MARCHF7: variants seen among roughly 807,000 people sequenced by gnomAD.
MARCHF7 encodes the protein E3 ubiquitin-protein ligase MARCHF7.
Under a neutral mutation model 76.5 loss-of-function variants are expected in MARCHF7, and 20 were observed. The ratio of observed to expected loss-of-function variants is 0.26; its 90% CI spans 0.18 to 0.38. MARCHF7 has a LOEUF of 0.38. MARCHF7 is among the 10% of genes least tolerant of loss of function. The pLI is 1.00. For missense variants in MARCHF7, 797 were observed against 812.9 expected, an observed-to-expected ratio of 0.98 and a Z score of 0.24; for synonymous variants, 295 against 293.0, an observed-to-expected ratio of 1.01 and a Z score of -0.07.
rs184839354 is a variant in MARCHF7, at chr2:159,727,353, C to T, written c.-14-1656C>T. On this transcript the variant is annotated intron_variant, in intron 3 of 11. Coordinates refer to ENST00000409175, the MANE Select transcript of MARCHF7 (RefSeq NM_001282805.2). ...CTGTAATCCCAGCACTTTGGGAGGC[C>T]GAGGCGGGCAGATCACGAAGTCAGG... Among the ~76,000 whole-genome samples the T allele has an allele frequency of 4.5e-3, 690 of 152,128 alleles. 2 individuals are homozygous for T. Among genetic ancestry groups the T allele is most frequent in the African/African-American group, 0.016 (646 of 41,488 alleles).
At chr2:159,742,636 A>G (rs191216660) in intron 4 of MARCHF7, among the ~76,000 whole-genome samples, 1 of 152,220 alleles carries the variant, frequency 6.6e-6, no homozygotes. Context: ...GGTAGAAGGA[A>G]CAAAGACTAA....
chr2:159,764,212 T>TG (rs1413522143), intron 10 of MARCHF7, among the ~76,000 whole-genome samples: 12 of 138,566 alleles, frequency 8.7e-5, no homozygotes, highest in African/African-American at 3.1e-4. Context: ...CTTGGGAGTT[T>TG]TGTGTGTGTG....
At chr2:159,749,067 C>A (rs1167931055) in intron 7 of MARCHF7, among the ~76,000 whole-genome samples, 164 bp downstream of exon 7, 2 of 147,928 alleles carry the variant, frequency 1.4e-5, no homozygotes, top group African/African-American at 2.5e-5. Flanking sequence ...CAGCCTCGGC[C>A]TTCCAGGTTC....
intron 3 of MARCHF7, among the ~76,000 whole-genome samples, chr2:159,720,128 C>T (rs537410400): frequency 3.9e-4 from 59 of 152,136 alleles, no homozygotes; most frequent in Non-Finnish European, 6.2e-4. Flanking sequence ...TGGATTCAAG[C>T]GATTCTCCTT....
intron 4 of MARCHF7, among the ~76,000 whole-genome samples, chr2:159,741,177 C>G (rs1304526375): frequency 6.6e-6 from 1 of 152,060 alleles, no homozygotes; most frequent in East Asian, 1.9e-4. Context: ...AATTCAAGAC[C>G]AGCTAGGCAA....
chr2:159,768,985 A>G lies in MARCHF7; in HGVS notation c.*1643A>G, dbSNP rs1210255214. 1 of 152,230 alleles carries G rather than the reference A, an allele frequency of 6.6e-6. No individual in the cohort carries two copies. The highest frequency in any genetic ancestry group is 6.5e-5 in the Admixed American group (1 of 15,278). 9.4% of individuals were successfully genotyped at this position (152,230 alleles called of 1,614,324 possible). ...GTGATAACAATGGCTTAAGCTTTAC[A>G]GTATTCTTGTAGTTCCCTAGTACCA... On this transcript the variant is annotated 3_prime_UTR_variant, in exon 12 of 12. Coordinates refer to ENST00000409175, the MANE Select transcript of MARCHF7 (RefSeq NM_001282805.2).
At chr2:159,732,957 TTGAA>T in intron 4 of MARCHF7, 2 of 981,018 alleles carry the variant, frequency 2.0e-6, no homozygotes, top group Non-Finnish European at 2.4e-6. Context: ...TTAAGATTAA[TTGAA>T]AGAAAGAATA....
chr2:159,752,912 T>C (rs1365881547), intron 8 of MARCHF7, among the ~76,000 whole-genome samples: 1 of 152,224 alleles, frequency 6.6e-6, no homozygotes, highest in East Asian at 1.9e-4. Flanking sequence ...GAAAGATTTA[T>C]TTCTAATGTT....
At chr2:159,735,081 G>A (rs1455775086) in intron 4 of MARCHF7, among the ~76,000 whole-genome samples, 1 of 152,180 alleles carries the variant, frequency 6.6e-6, no homozygotes, top group Non-Finnish European at 1.5e-5. Flanking sequence ...GCATTGGTGT[G>A]GAGATGGGTA....
intron 3 of MARCHF7, among the ~76,000 whole-genome samples, chr2:159,722,320 TAGAG>T (rs1355557611): frequency 2.0e-5 from 3 of 152,074 alleles, no homozygotes; most frequent in Non-Finnish European, 4.4e-5. Context: ...GTATTTATAG[TAGAG>T]AGAGGGTTTC....
At chr2:159,764,243 T>C (rs1707464207) in intron 10 of MARCHF7, among the ~76,000 whole-genome samples, 1 of 148,416 alleles carries the variant, frequency 6.7e-6, no homozygotes, top group African/African-American at 2.6e-5. Context: ...TGTGTGTGTG[T>C]GTGTGTGTGT....
At chr2:159,749,623 C>T (rs2125613474) in intron 7 of MARCHF7, among the ~76,000 whole-genome samples, 1 of 152,248 alleles carries the variant, frequency 6.6e-6, no homozygotes, top group East Asian at 1.9e-4. Flanking sequence ...ACTGGGATTA[C>T]AGGCATGAGT....
chr2:159,730,978 C>T (rs926937465), intron 4 of MARCHF7, among the ~76,000 whole-genome samples: 3 of 152,176 alleles, frequency 2.0e-5, no homozygotes, highest in Non-Finnish European at 4.4e-5. Flanking sequence ...CAGCCTAGAC[C>T]TCCCAGGCTC....
At chr2:159,727,878 T>C (rs1211712459) in intron 3 of MARCHF7, among the ~76,000 whole-genome samples, 1 of 152,254 alleles carries the variant, frequency 6.6e-6, no homozygotes, top group African/African-American at 2.4e-5. Flanking sequence ...ATCATTACTT[T>C]CGTCGTGGGT....
chr2:159,763,978 G>A (rs138612494), intron 10 of MARCHF7, among the ~76,000 whole-genome samples: 68 of 152,082 alleles, frequency 4.5e-4, no homozygotes, highest in African/African-American at 1.5e-3. Context: ...CCTTAATACC[G>A]TAAAATGATT....
intron 3 of MARCHF7, among the ~76,000 whole-genome samples, chr2:159,717,365 A>G (rs1388523900): frequency 6.6e-6 from 1 of 152,198 alleles, no homozygotes; most frequent in Admixed American, 6.5e-5. Flanking sequence ...ATAGCCTCAA[A>G]GATGTCATGC....
intron 8 of MARCHF7, among the ~76,000 whole-genome samples, chr2:159,757,023 A>T (rs1431370233): frequency 6.6e-6 from 1 of 152,046 alleles, no homozygotes; most frequent in East Asian, 1.9e-4. Flanking sequence ...CTCCTAAGTT[A>T]GCTGGGATTA....
At chr2:159,731,641 C>G (rs1471148850) in intron 4 of MARCHF7, among the ~76,000 whole-genome samples, 3 of 151,754 alleles carry the variant, frequency 2.0e-5, no homozygotes, top group Non-Finnish European at 4.4e-5. Flanking sequence ...GTAGTCCTAG[C>G]TACTCGGGAG....
intron 3 of MARCHF7, among the ~76,000 whole-genome samples, chr2:159,725,664 T>C (rs987170204): frequency 2.0e-5 from 3 of 152,202 alleles, no homozygotes; most frequent in Non-Finnish European, 4.4e-5. Flanking sequence ...AATAAGCCCC[T>C]TTCCCCCAAA....
Sources: allele counts gnomAD v4.1 joint callset (sites outside exome capture counted in the v4.1 genomes callset), GRCh38; gene constraint gnomAD v4.1.1; transcripts MANE v1.5; gene names NCBI Gene and HGNC (gene_info 2026-07-23, HGNC 2026-07-21).